RDX: variants seen among roughly 807,000 people sequenced by gnomAD.
The protein encoded by RDX is radixin.
In RDX, 32 loss-of-function variants were observed where a neutral mutation model predicts 83.7. The ratio of observed to expected loss-of-function variants is 0.38; its 90% CI spans 0.29 to 0.51. RDX has a LOEUF of 0.51. Among genes scored for constraint, RDX ranks in the 20% least tolerant of loss-of-function variants. RDX has a pLI of 0.87. For missense variants in RDX, 600 were observed against 689.9 expected (o/e 0.87, Z 1.46); for synonymous variants, 229 against 222.7 (o/e 1.03, Z -0.25).
intron 9 of RDX, among the ~76,000 whole-genome samples, chr11:110,253,017 C>T (rs1859401483): frequency 6.6e-6 from 1 of 152,082 alleles, no homozygotes; most frequent in South Asian, 2.1e-4. Context: ...ATGTGGTTAA[C>T]TTCTCTAAGG....
chr11:110,258,399 C>T, intron 5 of RDX, among the ~76,000 whole-genome samples: 1 of 152,038 alleles, frequency 6.6e-6, no homozygotes, highest in East Asian at 1.9e-4. Flanking sequence ...TAGATTGTAC[C>T]AATGTCAATA....
intron 1 of RDX, among the ~76,000 whole-genome samples, chr11:110,281,899 G>A (rs1860777640): frequency 1.5e-5 from 2 of 135,610 alleles, no homozygotes; most frequent in South Asian, 5.1e-4. Flanking sequence ...CCAGGAGTTT[G>A]AGACCAGCCT....
At chr11:110,179,408 T>C (rs879796362) in intron 15 of RDX, among the ~76,000 whole-genome samples, 6 of 152,204 alleles carry the variant, frequency 3.9e-5, no homozygotes, top group Admixed American at 6.5e-5. Flanking sequence ...TCTAGGATGT[T>C]AAGGCCCCAT....
At chr11:110,291,341 G>A (rs1278514922) in intron 1 of RDX, among the ~76,000 whole-genome samples, 1 of 151,838 alleles carries the variant, frequency 6.6e-6, no homozygotes, top group Non-Finnish European at 1.5e-5. Flanking sequence ...GAGAGAAGGA[G>A]GGAGACAGGG....
chr11:110,256,402 T>A (rs1427421789), intron 7 of RDX, among the ~76,000 whole-genome samples: 1 of 152,210 alleles, frequency 6.6e-6, no homozygotes, highest in Admixed American at 6.5e-5. Flanking sequence ...ACTGCAGGAA[T>A]GCAACATAGT....
At chr11:110,189,342 C>T (rs1863060547) in intron 15 of RDX, among the ~76,000 whole-genome samples, 2 of 148,642 alleles carry the variant, frequency 1.3e-5, no homozygotes, top group Admixed American at 1.4e-4. Flanking sequence ...ATATATGCAC[C>T]CAACATTGGA....
At chr11:110,295,608 A>C (rs1288180845) in intron 1 of RDX, among the ~76,000 whole-genome samples, 1 of 147,180 alleles carries the variant, frequency 6.8e-6, no homozygotes, top group Non-Finnish European at 1.5e-5. Context: ...GAAACATGAC[A>C]TCTGTCTAGG....
intron 1 of RDX, among the ~76,000 whole-genome samples, chr11:110,280,242 T>C (rs1860702317): frequency 2.1e-5 from 3 of 145,044 alleles, no homozygotes; most frequent in African/African-American, 7.5e-5. Context: ...AAGAAACTAA[T>C]TTTTTTTTTT....
At chr11:110,177,221 T>C (rs1469980233) in intron 15 of RDX, among the ~76,000 whole-genome samples, 2 of 152,230 alleles carry the variant, frequency 1.3e-5, no homozygotes, top group East Asian at 3.9e-4. Flanking sequence ...AACCACTCCC[T>C]GGCTGAGGCC....
intron 10 of RDX, among the ~76,000 whole-genome samples, chr11:110,240,723 C>T (rs1490042463): frequency 2.5e-5 from 3 of 122,010 alleles, no homozygotes; most frequent in Non-Finnish European, 3.2e-5. Flanking sequence ...CCAGCCTGGG[C>T]GACAGAGCAA....
intron 2 of RDX, among the ~76,000 whole-genome samples, chr11:110,275,599 C>T (rs1476954538): frequency 3.9e-5 from 6 of 152,184 alleles, no homozygotes; most frequent in Admixed American, 1.3e-4. Context: ...CTTACTTTAA[C>T]GTAGGAAGTC....
chr11:110,262,543 G>A lies in RDX; in HGVS notation c.467+1417C>T, dbSNP rs541194069. ...GCGGAGGTTGCAGTGAGCCGAGATC[G>A]TGCCACTGCACTCCAGCCTGGGCAA... On this transcript the variant is annotated intron_variant, in intron 5 of 13. Coordinates refer to ENST00000645495, the MANE Select transcript of RDX (RefSeq NM_002906.4). Among the ~76,000 whole-genome samples, 8 of 151,702 alleles carry A rather than the reference G, an allele frequency of 5.3e-5. No homozygotes were observed. In the East Asian group the frequency reaches 9.7e-4, roughly 18 times the overall value.
intron 10 of RDX, among the ~76,000 whole-genome samples, chr11:110,238,904 G>A (rs1163036686): frequency 1.4e-5 from 2 of 147,862 alleles, no homozygotes; most frequent in South Asian, 2.2e-4. Context: ...CAGCCTGGGC[G>A]ACGGAGCAAG....
intron 1 of RDX, among the ~76,000 whole-genome samples, chr11:110,280,259 T>C (rs1328358509): frequency 6.6e-6 from 1 of 152,234 alleles, no homozygotes; most frequent in Non-Finnish European, 1.5e-5. Flanking sequence ...TTTTTATTTT[T>C]TTAAAGATGG....
intron 1 of RDX, among the ~76,000 whole-genome samples, chr11:110,283,939 G>A (rs550652651): frequency 4.6e-4 from 70 of 152,122 alleles, no homozygotes; most frequent in Middle Eastern, 6.8e-3. Context: ...AATATATAAA[G>A]ATATTGCTCA....
downstream of RDX, among the ~76,000 whole-genome samples, chr11:110,224,739 T>C (rs1367834951): frequency 6.6e-6 from 1 of 152,206 alleles, no homozygotes; most frequent in African/African-American, 2.4e-5. Flanking sequence ...ATGAACAATA[T>C]AGCAAACATG....
chr11:110,208,279 C>T (rs918878351), intron 14 of RDX, among the ~76,000 whole-genome samples: 3 of 152,192 alleles, frequency 2.0e-5, no homozygotes, highest in Non-Finnish European at 2.9e-5. Context: ...GTTCTGAAAA[C>T]GAATGTAGCG....
At chr11:110,281,615 T>C (rs562576870) in intron 1 of RDX, among the ~76,000 whole-genome samples, 49 of 151,874 alleles carry the variant, frequency 3.2e-4, no homozygotes, top group Non-Finnish European at 3.2e-4. Flanking sequence ...GCATGAACCA[T>C]TAGGCAATGA....
chr11:110,191,751 G>A (rs778235242), intron 15 of RDX, among the ~76,000 whole-genome samples: 1 of 152,192 alleles, frequency 6.6e-6, no homozygotes, highest in Non-Finnish European at 1.5e-5. Flanking sequence ...AGCTACTCAG[G>A]AAGCTGAGGC....
Sources: allele counts gnomAD v4.1 joint callset (sites outside exome capture counted in the v4.1 genomes callset), GRCh38; gene constraint gnomAD v4.1.1; transcripts MANE v1.5; gene names NCBI Gene and HGNC (gene_info 2026-07-23, HGNC 2026-07-21).